The following SNED1 variants were observed in gnomAD, a reference collection of about 807,000 sequenced individuals.
The protein encoded by SNED1 is sushi, nidogen and EGF-like domain-containing protein 1.
SNED1 carries 81 observed loss-of-function variants against 166.7 expected under a neutral mutation model. The observed-to-expected ratio is 0.49, with a 90% CI of 0.41 to 0.58. SNED1 has a LOEUF of 0.58. Ranked by LOEUF, SNED1 falls within the 20% of genes least tolerant of loss-of-function variation. The pLI is 0.00. For synonymous variants in SNED1, 762 were observed against 822.0 expected, an observed-to-expected ratio of 0.93 and a Z score of 1.25; for missense variants, 1,604 against 2,000.2, an observed-to-expected ratio of 0.80 and a Z score of 3.78.
At chr2:241,002,362 C>G (rs2060102536) in intron 1 of SNED1, among the ~76,000 whole-genome samples, 1 of 152,176 alleles carries the variant, frequency 6.6e-6, no homozygotes, top group Non-Finnish European at 1.5e-5. Flanking sequence ...CATGGAACAC[C>G]CCAGCAAATG....
At position 241,064,003 on chromosome 2, in the gene SNED1, G is replaced by A; in HGVS notation, c.2486-9G>A. 5 of 1,544,066 alleles carry A rather than the reference G, an allele frequency of 3.2e-6. No individual in the cohort carries two copies. Among genetic ancestry groups the A allele is most frequent in the African/African-American group, 2.7e-5 (2 of 72,926 alleles). On this transcript the variant is annotated splice_polypyrimidine_tract_variant and intron_variant, in intron 18 of 31. Coordinates refer to ENST00000310397, the MANE Select transcript of SNED1 (RefSeq NM_001080437.3). This position sits in a 1 kb window ranked among gnomAD's most constrained non-coding sequence, Gnocchi z 7.0. ...TGCAGCTTGGGCCCACTCTCTGGGTGTTCTCCAGAGGTGGACGCCTGCGAC... is the reference window on the plus strand; with the variant it reads ...TGCAGCTTGGGCCCACTCTCTGGGTATTCTCCAGAGGTGGACGCCTGCGAC...
In SNED1 at chr2:241,037,076, G is replaced by A. The variant is rs907198481; in HGVS notation, c.931+161G>A. 26 of 1,030,556 alleles carry A rather than the reference G, an allele frequency of 2.5e-5. 1 individual carries two copies. The African/African-American group carries it at 3.8e-4, about 15-fold the overall frequency. 63.8% of individuals were successfully genotyped at this position (1,030,556 alleles called of 1,614,324 possible). On this transcript the variant is annotated intron_variant, in intron 5 of 31. Transcript: ENST00000310397. ...CTTAGGGGACCACTGGGGACCAAAG[G>A]CCATGGCCCCCTGGAGTGAGCACCA... is the stretch of plus-strand genomic sequence containing the variant.
chr2:241,026,009 C>CTTTTTTTTTTTTTTT lies in SNED1; in HGVS notation c.214-4265_214-4251dup, dbSNP rs71404676. On this transcript the variant is annotated intron_variant, in intron 1 of 31. Transcript: ENST00000310397. ...TTGATGTGGCTTTGTTTTTCTTTTC[C>CTTTTTTTTTTTTTTT]TTTTTTTTTTTTTTTTTTTTTTTTG... is the stretch of plus-strand genomic sequence containing the variant. Among the ~76,000 whole-genome samples, 73 of 73,594 alleles carry CTTTTTTTTTTTTTTT rather than the reference C, an allele frequency of 9.9e-4. 6 individuals are homozygous for CTTTTTTTTTTTTTTT. The highest frequency in any genetic ancestry group is 2.0e-3 in the Admixed American group (8 of 4,026). The allele number at this position is 73,594 out of a possible 152,430, so 48.3% of individuals were successfully genotyped here. A position where few individuals can be genotyped will look rare whatever the true frequency, so the allele number is the denominator to read the frequency against.
At chr2:241,052,278 C>A in intron 14 of SNED1, 77 bp from the exon 15 acceptor site, 2 of 1,433,844 alleles carry the variant, frequency 1.4e-6, no homozygotes, top group Non-Finnish European at 1.9e-6. Flanking sequence ...GAGCTGGGTG[C>A]AGGAGGCAGG....
Position 241,063,706 on chromosome 2 carries a change from G to A in SNED1, c.2485+6G>A, listed in dbSNP as rs1288297933. 1.3e-6 allele frequency: 2 copies of A among 1,580,752 alleles called. No homozygotes were observed. The highest frequency in any genetic ancestry group is 1.7e-6 in the Non-Finnish European group (2 of 1,154,806). On this transcript the variant is annotated splice_donor_region_variant and intron_variant, in intron 18 of 31. Coordinates refer to ENST00000310397, the MANE Select transcript of SNED1 (RefSeq NM_001080437.3). Reference sequence around the variant, plus strand: ...TGGAGTCCACTGTGAGACAGGTAGGGGCTCCCTCCAGTGGGCCCCACATGC... The same window carrying A: ...TGGAGTCCACTGTGAGACAGGTAGGAGCTCCCTCCAGTGGGCCCCACATGC...
At chr2:241,082,509 T>A in intron 29 of SNED1, 145 bp downstream of exon 29, 1 of 624,548 alleles carries the variant, frequency 1.6e-6, no homozygotes, top group Non-Finnish European at 2.9e-6. Flanking sequence ...ATCGATTCCC[T>A]CCATGTCACA....
At position 241,027,420 on chromosome 2, in the gene SNED1, G is replaced by T. The variant is rs374108602; in HGVS notation, c.214-2864G>T. ...TTTTAAGGCTAAATAATATTCCATT[G>T]TATGGATGTGCTACATTTTGTTTAC... On this transcript the variant is annotated intron_variant, in intron 1 of 31. Transcript: ENST00000310397. Among the ~76,000 whole-genome samples, 12 of 152,256 alleles carry T rather than the reference G, an allele frequency of 7.9e-5. No individual in the cohort carries two copies. In the East Asian group the frequency reaches 1.9e-3, roughly 25 times the overall value.
rs1418590737 is a variant in SNED1, at chr2:241,040,378, G to A, written c.1238G>A (p.Cys413Tyr). 2 of 1,606,606 alleles carry A rather than the reference G, an allele frequency of 1.2e-6. No homozygotes were observed. The highest frequency in any genetic ancestry group is 1.3e-5 in the African/African-American group (1 of 74,958). The change falls in exon 8 of 32, where the codon TGT becomes TAT. Residue 413 changes from cysteine (C) to tyrosine (Y), a missense_variant. Coordinates refer to ENST00000310397, the MANE Select transcript of SNED1 (RefSeq NM_001080437.3). Reference protein sequence around the residue: ...VDLVGNYTCLCAEPFKGLRCE... With the variant: ...VDLVGNYTCLYAEPFKGLRCE... ...CTAGTGGGGAATTACACCTGCTTGT[G>A]TGCCGAGCCCTTCAAGGGACTTCGC...
chr2:241,087,798 A>G (rs2063662117), intron 30 of SNED1: 1 of 821,606 alleles, frequency 1.2e-6, no homozygotes, highest in South Asian at 4.8e-5. Flanking sequence ...AATGGCCGAT[A>G]TAGCGCGTCG....
At chr2:241,056,482 A>C (rs939518296) in intron 16 of SNED1, among the ~76,000 whole-genome samples, 1 of 152,172 alleles carries the variant, frequency 6.6e-6, no homozygotes, top group African/African-American at 2.4e-5. Context: ...GAAGAAAAAA[A>C]ACCATAGAAC....
Position 241,030,462 on chromosome 2 carries a change from C to G in SNED1, c.392C>G (p.Thr131Arg). ...ATDPAMLRRA[T>R]EDVRHYFPEL... ...GACCCAGCCATGCTGCGCCGAGCCACGGAGGACGTCAGGCACTACTTCCCC... is the reference window on the plus strand; with the variant it reads ...GACCCAGCCATGCTGCGCCGAGCCAGGGAGGACGTCAGGCACTACTTCCCC... Residue 131 changes from threonine (T) to arginine (R), a missense_variant, in exon 2 of 32, where the codon ACG (threonine) becomes AGG (arginine). Physicochemically the swap from Thr to Arg is moderately conservative, Grantham distance 71. Around this residue, in one of 2 missense-constraint regions of SNED1, gnomAD observed 1,237 missense variants for 1,620.8 expected, o/e 0.76. Coordinates refer to ENST00000310397, the MANE Select transcript of SNED1 (RefSeq NM_001080437.3). 6.2e-7 allele frequency: 1 copy of G among 1,613,844 alleles called. No individual in the cohort carries two copies. Among genetic ancestry groups the G allele is most frequent in the Middle Eastern group, 1.6e-4 (1 of 6,062 alleles).
At chr2:241,054,327 G>A (rs771604314) in intron 16 of SNED1, among the ~76,000 whole-genome samples, 2 of 152,208 alleles carry the variant, frequency 1.3e-5, no homozygotes, top group Admixed American at 1.3e-4. Context: ...ATGTATGATC[G>A]GAAGCAGAAG....
Position 241,051,642 on chromosome 2 carries a change from C to T in SNED1, c.1736-102C>T, listed in dbSNP as rs558180998. 3.6e-5 allele frequency: 34 copies of T among 952,104 alleles called. No homozygotes were observed. Among genetic ancestry groups the T allele is most frequent in the Non-Finnish European group, 4.6e-5 (31 of 669,792 alleles). 59.0% of individuals were successfully genotyped at this position (952,104 alleles called of 1,614,324 possible). A position where few individuals can be genotyped will look rare whatever the true frequency, so the allele number is the denominator to read the frequency against. ...GGCCCCAGGGCTTCGTCGAGAAGGC[C>T]CCACCAGCACCAGAGGACTGAGGAG... On this transcript the variant is annotated intron_variant, in intron 12 of 31. Coordinates refer to ENST00000310397, the MANE Select transcript of SNED1 (RefSeq NM_001080437.3). This position sits in a 1 kb window ranked among gnomAD's most constrained non-coding sequence, Gnocchi z 4.7.
At chr2:241,025,804 G>T (rs2060943837) in intron 1 of SNED1, among the ~76,000 whole-genome samples, 1 of 151,640 alleles carries the variant, frequency 6.6e-6, no homozygotes, top group Admixed American at 6.6e-5. Context: ...CTGTTTTCTG[G>T]CTTTCATTGT....
At position 241,048,667 on chromosome 2, in the gene SNED1, C is replaced by G. The variant is rs2061737735; in HGVS notation, c.1405C>G (p.Pro469Ala). The G allele has an allele frequency of 1.2e-6, 2 of 1,609,356 alleles. No individual in the cohort carries two copies. Among genetic ancestry groups the G allele is most frequent in the East Asian group, 4.5e-5 (2 of 44,708 alleles). Residue 469 changes from proline (P) to alanine (A), a missense_variant, in exon 10 of 32, where the codon CCC becomes GCC. Coordinates refer to ENST00000310397, the MANE Select transcript of SNED1 (RefSeq NM_001080437.3). ...CCTCCCTCTCTTCGTGGCAGGAGTC[C>G]CCGATGACTGTGAGTGCCGCAACGG... ...FMGLDCRERVPDDCECRNGGR... is the reference protein window; with the variant it reads ...FMGLDCRERVADDCECRNGGR...
rs1159798685 is a variant in SNED1, at chr2:241,041,014, C to T, written c.1273+601C>T. On this transcript the variant is annotated intron_variant, in intron 8 of 31. Coordinates refer to ENST00000310397, the MANE Select transcript of SNED1 (RefSeq NM_001080437.3). ...CACTGTGCCGACTTCTGTGGACGCA[C>T]CAGGTGCTGCTTCTCTCCAGGGAGA... The T allele has an allele frequency of 4.1e-5, 15 of 369,360 alleles. 1 individual carries two copies. In the Middle Eastern group the frequency reaches 1.7e-3, roughly 42 times the overall value. The allele number at this position is 369,360 out of a possible 1,614,324, so 22.9% of individuals were successfully genotyped here. A position where few individuals can be genotyped will look rare whatever the true frequency, so the allele number is the denominator to read the frequency against.
rs1039361628 is a variant in SNED1 at position 241,078,212 on chromosome 2, G to A, written c.3917-3465G>A. Among the ~76,000 whole-genome samples the A allele has an allele frequency of 2.2e-4, 33 of 151,286 alleles. 1 individual carries two copies. The highest frequency in any genetic ancestry group is 6.6e-4 in the Admixed American group (10 of 15,220). On this transcript the variant is annotated intron_variant, in intron 27 of 31. Coordinates refer to ENST00000310397, the MANE Select transcript of SNED1 (RefSeq NM_001080437.3). ...AGTCTGGCCAACGCGGTGAAACCCC[G>A]TCTCTACTAAAAATACAAAAATTAG...
At position 241,048,721 on chromosome 2, in the gene SNED1, C is replaced by A. The variant is rs757913499; in HGVS notation, c.1459C>A (p.Leu487Ile). 2 of 1,613,030 alleles carry A rather than the reference C, an allele frequency of 1.2e-6. No homozygotes were observed. The highest frequency in any genetic ancestry group is 1.7e-6 in the Non-Finnish European group (2 of 1,179,594). Residue 487 changes from leucine to isoleucine, a missense_variant, in exon 10 of 32, where the codon CTC (leucine) becomes ATC (isoleucine). This residue lies in a region of SNED1 where 1,237 missense variants were observed against 1,620.8 expected (regional missense o/e 0.76). Transcript: ENST00000310397. ...GGRCLGANTT[L>I]CQCPLGFFGL... is the part of the protein sequence containing the mutation. ...CAGATGCCTGGGCGCCAACACCACC[C>A]TCTGCCAGTGCCCCCTGGGATTCTT...
chr2:241,019,491 G>T (rs1162442110), intron 1 of SNED1, among the ~76,000 whole-genome samples: 1 of 152,150 alleles, frequency 6.6e-6, no homozygotes, highest in Non-Finnish European at 1.5e-5. Context: ...GGTCCTGGGG[G>T]CAGGGGCAGG....
Sources: allele counts gnomAD v4.1 joint callset (sites outside exome capture counted in the v4.1 genomes callset), GRCh38; gene constraint gnomAD v4.1.1; regional missense constraint gnomAD v4.1.1; non-coding constraint Gnocchi (gnomAD v3.1); transcripts MANE v1.5; gene names NCBI Gene and HGNC (gene_info 2026-07-23, HGNC 2026-07-21).